AAK1: variants seen among roughly 807,000 people sequenced by gnomAD.
AAK1 encodes AP2 associated kinase 1.
AAK1 carries 37 observed loss-of-function variants against 116.0 expected under a neutral mutation model. That is an observed-to-expected ratio of 0.32 (90% CI 0.25 to 0.42). The LOEUF (loss-of-function observed/expected upper bound fraction) is 0.42, where lower values mean the gene tolerates loss of function less well. Ranked by LOEUF, AAK1 falls within the 10% of genes least tolerant of loss-of-function variation. The pLI is 1.00. For missense variants in AAK1, 919 were observed against 1,170.6 expected (o/e 0.79, Z 3.14); for synonymous variants, 458 against 439.9 (o/e 1.04, Z -0.51).
rs1157789543 is a variant in AAK1, at chr2:69,473,133, G to C, written c.*2736C>G. On this transcript the variant is annotated 3_prime_UTR_variant, in exon 22 of 22. Coordinates refer to ENST00000409085, the MANE Select transcript of AAK1 (RefSeq NM_014911.5). Reference sequence around the variant, plus strand: ...TAACTCTAAGGAACAGCAACTCTGAGAGGTGAAGTGCCTGCTGAAGGTCAC... The same window carrying C: ...TAACTCTAAGGAACAGCAACTCTGACAGGTGAAGTGCCTGCTGAAGGTCAC... 1.2e-6 allele frequency: 1 copy of C among 819,818 alleles called. No individual in the cohort carries two copies. Among genetic ancestry groups the C allele is most frequent in the Non-Finnish European group, 1.5e-6 (1 of 678,964 alleles). 50.8% of individuals were successfully genotyped at this position (819,818 alleles called of 1,614,324 possible).
At chr2:69,547,765 G>A (rs1670991144) in intron 3 of AAK1, among the ~76,000 whole-genome samples, 1 of 151,966 alleles carries the variant, frequency 6.6e-6, no homozygotes, top group African/African-American at 2.4e-5. Context: ...AATATTATAG[G>A]CACACAAAAA....
Position 69,509,251 on chromosome 2 carries a change from C to T in AAK1, c.1986G>A (p.Glu662=). ...STQLLQAAAA[E]ASLNKSKSAT... ...CATACTTGGACTTATTGAGACTGGC[C>T]TCAGCTGCAGCTGCCTGGAGCAGCT... Residue 662 remains glutamate (E), a synonymous_variant, in exon 14 of 22, where the codon GAG becomes GAA. Transcript: ENST00000409085. 1.9e-6 allele frequency: 3 copies of T among 1,613,976 alleles called. No individual in the cohort carries two copies. The highest frequency in any genetic ancestry group is 2.5e-6 in the Non-Finnish European group (3 of 1,179,868).
At chr2:69,572,848 G>A (rs781013757) in intron 2 of AAK1, among the ~76,000 whole-genome samples, 4 of 151,980 alleles carry the variant, frequency 2.6e-5, no homozygotes, top group Admixed American at 6.6e-5. Context: ...CGGGTAAACA[G>A]AAACCTAGTG....
At chr2:69,532,344 G>C (rs1171751783) in intron 5 of AAK1, among the ~76,000 whole-genome samples, 182 bp from the exon 6 acceptor site, 1 of 152,196 alleles carries the variant, frequency 6.6e-6, no homozygotes. Flanking sequence ...AGGAGATGCA[G>C]AGTAAGAGGG....
intron 16 of AAK1, among the ~76,000 whole-genome samples, chr2:69,501,671 T>A (rs1291757896): frequency 1.3e-5 from 2 of 152,078 alleles, no homozygotes; most frequent in African/African-American, 4.8e-5. Context: ...TCACCAAATA[T>A]AAGAAAAACA....
At chr2:69,636,851 C>G (rs1268494725) in intron 2 of AAK1, among the ~76,000 whole-genome samples, 1 of 152,128 alleles carries the variant, frequency 6.6e-6, no homozygotes, top group Non-Finnish European at 1.5e-5. Flanking sequence ...AGGTAGCCGC[C>G]ACCACGCCCG....
intron 2 of AAK1, among the ~76,000 whole-genome samples, chr2:69,575,262 G>T (rs964777928): frequency 4.6e-5 from 7 of 151,790 alleles, no homozygotes; most frequent in Non-Finnish European, 8.8e-5. Context: ...ACCAATCAAT[G>T]AACTGAATTA....
intron 18 of AAK1, 43 bp from the exon 19 acceptor site, chr2:69,481,004 G>C: frequency 6.8e-7 from 1 of 1,460,704 alleles, no homozygotes; most frequent in Non-Finnish European, 9.3e-7. Flanking sequence ...GTAAGGGAAA[G>C]GGAGTCAGAA....
intron 2 of AAK1, among the ~76,000 whole-genome samples, chr2:69,594,167 A>G (rs889928423): frequency 6.6e-6 from 1 of 152,194 alleles, no homozygotes; most frequent in African/African-American, 2.4e-5. Flanking sequence ...AGGTAGTGGT[A>G]TATCTCTAAA....
Position 69,472,513 on chromosome 2 carries a change from A to G in AAK1, c.*3356T>C. 5.6e-6 allele frequency: 4 copies of G among 717,358 alleles called. No homozygotes were observed. Among genetic ancestry groups the G allele is most frequent in the Non-Finnish European group, 6.8e-6 (4 of 585,394 alleles). 44.4% of individuals were successfully genotyped at this position (717,358 alleles called of 1,614,324 possible). ...GATGACATTGAGGGGAACAACACTT[A>G]ATTAGATGTCAAAATTCTGATATGT... On this transcript the variant is annotated 3_prime_UTR_variant, in exon 22 of 22. Coordinates refer to ENST00000409085, the MANE Select transcript of AAK1 (RefSeq NM_014911.5).
chr2:69,628,505 C>T (rs1396351922), intron 2 of AAK1, among the ~76,000 whole-genome samples: 1 of 152,064 alleles, frequency 6.6e-6, no homozygotes, highest in Non-Finnish European at 1.5e-5. Flanking sequence ...ACTGAAGAGA[C>T]CAGATAACCT....
chr2:69,590,946 ATC>A (rs1293700424), intron 2 of AAK1, among the ~76,000 whole-genome samples: 1 of 152,234 alleles, frequency 6.6e-6, no homozygotes, highest in Non-Finnish European at 1.5e-5. Context: ...ATAAGCCTAC[ATC>A]GAGCACCTAC....
chr2:69,528,547 C>G (rs1670115123), intron 8 of AAK1, among the ~76,000 whole-genome samples: 1 of 152,188 alleles, frequency 6.6e-6, no homozygotes, highest in Non-Finnish European at 1.5e-5. Flanking sequence ...AACCTTTCCT[C>G]TCTTGCTAGC....
intron 17 of AAK1, among the ~76,000 whole-genome samples, chr2:69,485,870 G>A (rs1049636403): frequency 6.6e-6 from 1 of 151,878 alleles, no homozygotes; most frequent in African/African-American, 2.4e-5. Flanking sequence ...TGATGGCCAG[G>A]TTGGTCTCGA....
intron 2 of AAK1, among the ~76,000 whole-genome samples, chr2:69,557,430 T>C (rs1671433844): frequency 6.6e-6 from 1 of 151,586 alleles, no homozygotes; most frequent in African/African-American, 2.4e-5. Context: ...GCCTCCCGAG[T>C]AGCTGGGATT....
rs1325034322 is a variant in AAK1, at chr2:69,471,482, G to GT, written c.*4386dup. The GT allele has an allele frequency of 3.0e-6, 3 of 985,312 alleles. No individual in the cohort carries two copies. The highest frequency in any genetic ancestry group is 3.6e-6 in the Non-Finnish European group (3 of 829,928). The allele number at this position is 985,312 out of a possible 1,614,324, so 61.0% of individuals were successfully genotyped here. A position where few individuals can be genotyped will look rare whatever the true frequency, so the allele number is the denominator to read the frequency against. ...TAAAGATAGCTTTGCAGTATCTGGAGTGTTTCAGGAAAGCTTCCATTCTAA... is the reference window on the plus strand; with the variant it reads ...TAAAGATAGCTTTGCAGTATCTGGAGTTGTTTCAGGAAAGCTTCCATTCTAA... On this transcript the variant is annotated 3_prime_UTR_variant, in exon 22 of 22. Transcript: ENST00000409085.
At chr2:69,606,347 C>T (rs924175789) in intron 2 of AAK1, among the ~76,000 whole-genome samples, 3 of 152,212 alleles carry the variant, frequency 2.0e-5, no homozygotes, top group Non-Finnish European at 4.4e-5. Flanking sequence ...TTTGATCCCA[C>T]AGACTTTCAC....
At chr2:69,501,293 A>C (rs976908482) in intron 16 of AAK1, among the ~76,000 whole-genome samples, 4 of 152,224 alleles carry the variant, frequency 2.6e-5, no homozygotes, top group African/African-American at 9.7e-5. Flanking sequence ...AAAATTTTTA[A>C]CTACTTAATG....
chr2:69,610,253 G>C (rs1294068989), intron 2 of AAK1, among the ~76,000 whole-genome samples: 1 of 152,060 alleles, frequency 6.6e-6, no homozygotes, highest in African/African-American at 2.4e-5. Flanking sequence ...CCATTCAAGG[G>C]GGAAAGGATA....
Sources: allele counts gnomAD v4.1 joint callset (sites outside exome capture counted in the v4.1 genomes callset), GRCh38; gene constraint gnomAD v4.1.1; transcripts MANE v1.5; gene names NCBI Gene and HGNC (gene_info 2026-07-23, HGNC 2026-07-21).